DGKI: variants seen among roughly 807,000 people sequenced by gnomAD.
The protein encoded by DGKI is DAG kinase iota.
Under a neutral mutation model 147.5 loss-of-function variants are expected in DGKI, and 55 were observed. That is an observed-to-expected ratio of 0.37 (90% CI 0.30 to 0.47). The LOEUF (loss-of-function observed/expected upper bound fraction) is 0.47. Ranked by LOEUF, DGKI falls within the 20% of genes least tolerant of loss-of-function variation. DGKI has a pLI of 1.00. For synonymous variants in DGKI, 469 were observed against 477.1 expected (o/e 0.98, Z 0.22); for missense variants, 1,007 against 1,323.8 (o/e 0.76, Z 3.71).
intron 19 of DGKI, among the ~76,000 whole-genome samples, chr7:137,555,470 G>C (rs1279803717): frequency 6.6e-6 from 1 of 151,874 alleles, no homozygotes; most frequent in Admixed American, 6.6e-5. Context: ...AGGCCGCAGT[G>C]AGCTATGATC....
At chr7:137,716,822 C>T (rs1585403067) in intron 1 of DGKI, among the ~76,000 whole-genome samples, 1 of 152,226 alleles carries the variant, frequency 6.6e-6, no homozygotes, top group African/African-American at 2.4e-5. Context: ...CTAGCCTATT[C>T]CTTTGCCTCT....
At chr7:137,804,655 G>A (rs937073139) in intron 1 of DGKI, among the ~76,000 whole-genome samples, 1 of 152,196 alleles carries the variant, frequency 6.6e-6, no homozygotes, top group Non-Finnish European at 1.5e-5. Flanking sequence ...CACTCCTCTC[G>A]ATAACAAGCT....
chr7:137,515,277 C>A (rs532375006), intron 21 of DGKI, among the ~76,000 whole-genome samples: 1 of 152,278 alleles, frequency 6.6e-6, no homozygotes, highest in South Asian at 2.1e-4. Context: ...ATAGCACTTG[C>A]TGCCATATTG....
intron 28 of DGKI, among the ~76,000 whole-genome samples, chr7:137,436,226 A>G (rs1391535115): frequency 1.3e-5 from 2 of 152,092 alleles, no homozygotes; most frequent in Non-Finnish European, 2.9e-5. Context: ...TTGGAACCCT[A>G]TTTTCTTGAT....
intron 21 of DGKI, among the ~76,000 whole-genome samples, chr7:137,488,666 TA>T (rs1815655217): frequency 6.6e-6 from 1 of 152,216 alleles, no homozygotes; most frequent in African/African-American, 2.4e-5. Context: ...AAGAATTTTT[TA>T]CAATCGTTCA....
intron 8 of DGKI, among the ~76,000 whole-genome samples, chr7:137,614,164 G>A (rs706578): frequency 0.59 from 89,590 of 152,088 alleles, 29,205 homozygotes; most frequent in African/African-American, 0.9. Flanking sequence ...ACAACAGGCT[G>A]TATTAAGGAA....
chr7:137,733,718 G>A (rs1794947344), intron 1 of DGKI, among the ~76,000 whole-genome samples: 1 of 152,060 alleles, frequency 6.6e-6, no homozygotes. Context: ...GACAGAAGAT[G>A]GTAAGTGCTA....
At chr7:137,542,641 C>CT (rs1369335241) in intron 20 of DGKI, among the ~76,000 whole-genome samples, 1 of 152,112 alleles carries the variant, frequency 6.6e-6, no homozygotes, top group Non-Finnish European at 1.5e-5. Flanking sequence ...TGAGGCAGCT[C>CT]TTTTGGGGTG....
At chr7:137,428,510 C>A (rs1467426083) in intron 28 of DGKI, among the ~76,000 whole-genome samples, 1 of 152,042 alleles carries the variant, frequency 6.6e-6, no homozygotes, top group Non-Finnish European at 1.5e-5. Flanking sequence ...GATGCCCTCT[C>A]TCACCACTCC....
chr7:137,643,925 T>G (rs1821740971), intron 6 of DGKI, among the ~76,000 whole-genome samples: 1 of 152,212 alleles, frequency 6.6e-6, no homozygotes, highest in African/African-American at 2.4e-5. Context: ...AAGGACCTAT[T>G]CATCCAGATT....
chr7:137,684,575 C>T (rs747654650), intron 2 of DGKI, among the ~76,000 whole-genome samples: 6 of 152,102 alleles, frequency 3.9e-5, no homozygotes, highest in Non-Finnish European at 7.4e-5. Flanking sequence ...TGATTTCCCT[C>T]GGCAGCCAGG....
At chr7:137,602,583 C>T (rs1427140510) in intron 10 of DGKI, among the ~76,000 whole-genome samples, 1 of 152,180 alleles carries the variant, frequency 6.6e-6, no homozygotes, top group Non-Finnish European at 1.5e-5. Flanking sequence ...AAATGCTCCA[C>T]CTAGTGTGTG....
Position 137,757,280 on chromosome 7 carries a change from C to T in DGKI, c.402-67278G>A, listed in dbSNP as rs117997020. ...ATGGAGACAGAACCCCTTAGTATTT[C>T]TCAGTCCTGCTCTTCAGCCACAGAC... On this transcript the variant is annotated intron_variant, in intron 1 of 32. Transcript: ENST00000614521. Among the ~76,000 whole-genome samples the T allele has an allele frequency of 2.7e-3, 407 of 152,308 alleles. 18 individuals are homozygous for T. The East Asian group carries it at 0.066, about 25-fold the overall frequency.
In DGKI at chr7:137,744,724, C is replaced by T. The variant is rs550845468; in HGVS notation, c.402-54722G>A. 1.1e-4 allele frequency among the ~76,000 whole-genome samples: 16 copies of T among 152,194 alleles called. 1 individual carries two copies. Among genetic ancestry groups the T allele is most frequent in the Admixed American group, 3.3e-4 (5 of 15,288 alleles). On this transcript the variant is annotated intron_variant, in intron 1 of 32. Transcript: ENST00000614521. ...TAAAGTCAGCTTTAATCCTGGGATG[C>T]AAGGATGGTTCAATATATGAAAATT...
Position 137,466,944 on chromosome 7 carries a change from TA to T in DGKI, c.2444-3del, listed in dbSNP as rs1246445857. 6.2e-7 allele frequency: 1 copy of T among 1,613,958 alleles called. No individual in the cohort carries two copies. Among genetic ancestry groups the T allele is most frequent in the Non-Finnish European group, 8.5e-7 (1 of 1,179,998 alleles). On this transcript the variant is annotated splice_polypyrimidine_tract_variant and splice_region_variant and intron_variant, in intron 24 of 32. Transcript: ENST00000614521. ...GATAAAAGCGATCAGCAGAAGTTGC[TA>T]GGGGAAAAAAAATGCAGATGGCATT... is the stretch of plus-strand genomic sequence containing the variant.
intron 1 of DGKI, among the ~76,000 whole-genome samples, chr7:137,708,805 G>C (rs892168261): frequency 2.0e-4 from 30 of 152,192 alleles, no homozygotes; most frequent in Non-Finnish European, 4.1e-4. Flanking sequence ...GTAGAAAATG[G>C]GAATGATGTT....
intron 20 of DGKI, among the ~76,000 whole-genome samples, chr7:137,542,902 C>T (rs538031311): frequency 6.6e-6 from 1 of 152,320 alleles, no homozygotes; most frequent in East Asian, 1.9e-4. Flanking sequence ...CCTTAATGTT[C>T]TTGTCTCTGC....
At chr7:137,825,600 A>AC (rs1020758739) in intron 1 of DGKI, among the ~76,000 whole-genome samples, 1 of 151,754 alleles carries the variant, frequency 6.6e-6, no homozygotes, top group Admixed American at 6.6e-5. Context: ...ACAGGCATGC[A>AC]CCCCCCAACA....
rs1563035379 is a variant in DGKI at position 137,465,987 on chromosome 7, G to A, written c.2533C>T (p.Leu845=). 3 of 1,614,112 alleles carry A rather than the reference G, an allele frequency of 1.9e-6. No homozygotes were observed. Among genetic ancestry groups the A allele is most frequent in the Non-Finnish European group, 2.5e-6 (3 of 1,179,994 alleles). ...MEISQDEIFI[L]DPDMVVSQPA... ...TGTGACACCACCATATCTGGGTCCA[G>A]AATAAAAATCTCATCTTGGGAAATC... The change falls in exon 26 of 33, where the codon CTG becomes TTG. Residue 845 remains leucine (L), a synonymous_variant. Transcript: ENST00000614521.
Sources: gnomAD v4.1 joint callset for allele counts (sites outside exome capture counted in the v4.1 genomes callset) on GRCh38, gnomAD v4.1.1 for gene constraint, MANE v1.5 for transcripts, NCBI Gene and HGNC (gene_info 2026-07-23, HGNC 2026-07-21) for gene names.